Variants in ATP8A2 observed in about 807,000 individuals in gnomAD.
The protein encoded by ATP8A2 is phospholipid-transporting ATPase IB.
ATP8A2 carries 100 observed loss-of-function variants against 165.6 expected under a neutral mutation model. That is an observed-to-expected ratio of 0.60 (90% CI 0.51 to 0.71). The LOEUF is 0.71. Ranked by LOEUF, ATP8A2 falls within the 30% of genes least tolerant of loss-of-function variation. The probability of loss-of-function intolerance (pLI) is 0.00; values close to 1 mark genes in which losing one functional copy is unlikely to be tolerated. For synonymous variants in ATP8A2, 543 were observed against 548.8 expected (o/e 0.99, Z 0.15); for missense variants, 1,227 against 1,479.5 (o/e 0.83, Z 2.80).
chr13:25,791,476 C>G (rs989516671), intron 27 of ATP8A2, among the ~76,000 whole-genome samples: 1 of 151,324 alleles, frequency 6.6e-6, no homozygotes, highest in African/African-American at 2.4e-5. Flanking sequence ...AACAAACCAC[C>G]ATGACACAAG....
At chr13:25,720,167 C>CTTTTTTTTTTTT (rs1007404557) in intron 25 of ATP8A2, among the ~76,000 whole-genome samples, 5,051 of 116,770 alleles carry the variant, frequency 0.043, 448 homozygotes, top group Non-Finnish European at 0.055. Flanking sequence ...TATACTTTTT[C>CTTTTTTTTTTTT]TTTTTTTTTT....
intron 35 of ATP8A2, among the ~76,000 whole-genome samples, chr13:26,011,464 C>T (rs989641283): frequency 2.6e-5 from 4 of 152,118 alleles, no homozygotes; most frequent in African/African-American, 7.2e-5. Flanking sequence ...TTCTGAGGTA[C>T]TAGGGGTAAA....
chr13:25,584,850 G>A (rs2039877139), intron 23 of ATP8A2, among the ~76,000 whole-genome samples: 1 of 152,170 alleles, frequency 6.6e-6, no homozygotes, highest in Admixed American at 6.5e-5. Flanking sequence ...ATGTCGTATA[G>A]TTGTTGACTC....
At chr13:25,977,041 A>ACCCCCC (rs1956061961) in intron 35 of ATP8A2, among the ~76,000 whole-genome samples, 1 of 31,666 alleles carries the variant, frequency 3.2e-5, no homozygotes, top group Non-Finnish European at 6.3e-5. Context: ...CCCCACCCCC[A>ACCCCCC]CCCCCCTTCC....
At chr13:25,777,243 A>G (rs1000057131) in intron 27 of ATP8A2, among the ~76,000 whole-genome samples, 2 of 152,212 alleles carry the variant, frequency 1.3e-5, no homozygotes, top group Admixed American at 1.3e-4. Context: ...GAAAACCAAG[A>G]AAGCAAAATC....
At chr13:25,465,720 TTTC>T (rs1379685663) in intron 1 of ATP8A2, among the ~76,000 whole-genome samples, 120 of 31,930 alleles carry the variant, frequency 3.8e-3, no homozygotes, top group Middle Eastern at 0.015. Flanking sequence ...TCTTTCTTTC[TTTC>T]TTTCTTTCTT....
chr13:25,522,131 C>T (rs1566216505), intron 2 of ATP8A2, among the ~76,000 whole-genome samples: 1 of 152,178 alleles, frequency 6.6e-6, no homozygotes, highest in Non-Finnish European at 1.5e-5. Flanking sequence ...TTGGTGTCCT[C>T]TTCAATTTAT....
At chr13:25,554,851 C>T (rs1382813204) in intron 12 of ATP8A2, 140 bp from the exon 13 acceptor site, 12 of 528,740 alleles carry the variant, frequency 2.3e-5, no homozygotes, top group Middle Eastern at 5.4e-4. Flanking sequence ...TGAGCCACTG[C>T]GCCCAGCCAA....
intron 16 of ATP8A2, among the ~76,000 whole-genome samples, chr13:25,567,984 A>G (rs1252188628): frequency 6.6e-6 from 1 of 152,254 alleles, no homozygotes; most frequent in Non-Finnish European, 1.5e-5. Context: ...CCACATTCTC[A>G]TCTAAATTGT....
At position 25,540,340 on chromosome 13, in the gene ATP8A2, T is replaced by C; in HGVS notation, c.603T>C (p.Tyr201=). ...LSSSEPQAMC[Y]VETANLDGET... ...TTAGTGAACCTCAGGCAATGTGTTATGTTGAAACAGCTAATCTGGATGGGG... is the reference window on the plus strand; with the variant it reads ...TTAGTGAACCTCAGGCAATGTGTTACGTTGAAACAGCTAATCTGGATGGGG... Residue 201 remains tyrosine (Y), a synonymous_variant, in exon 8 of 37, where the codon TAT becomes TAC. Coordinates refer to ENST00000381655, the MANE Select transcript of ATP8A2 (RefSeq NM_016529.6). 1.9e-6 allele frequency: 3 copies of C among 1,614,048 alleles called. No individual in the cohort carries two copies. Among genetic ancestry groups the C allele is most frequent in the South Asian group, 1.1e-5 (1 of 91,082 alleles).
intron 33 of ATP8A2, among the ~76,000 whole-genome samples, chr13:25,891,664 T>G (rs990546677): frequency 5.3e-5 from 8 of 152,082 alleles, no homozygotes. Context: ...CCCTATTAAC[T>G]GATAATTTAT....
chr13:25,907,483 G>C (rs1953976483), intron 33 of ATP8A2, among the ~76,000 whole-genome samples: 2 of 152,190 alleles, frequency 1.3e-5, no homozygotes, highest in African/African-American at 4.8e-5. Context: ...AGATGACAGT[G>C]GTCTTAGACC....
At chr13:25,872,730 G>A (rs1952712366) in intron 33 of ATP8A2, among the ~76,000 whole-genome samples, 1 of 152,126 alleles carries the variant, frequency 6.6e-6, no homozygotes, top group Non-Finnish European at 1.5e-5. Context: ...CTGTCCAATA[G>A]AAATATAATG....
At chr13:25,895,087 G>A (rs1953492401) in intron 33 of ATP8A2, among the ~76,000 whole-genome samples, 1 of 152,216 alleles carries the variant, frequency 6.6e-6, no homozygotes, top group Non-Finnish European at 1.5e-5. Flanking sequence ...TAGGAGTGGT[G>A]AGAGAGGGCA....
In ATP8A2 at chr13:25,541,159, C is replaced by G. The variant is rs186073149; in HGVS notation, c.652-760C>G. Among the ~76,000 whole-genome samples, 1,057 of 152,094 alleles carry G rather than the reference C, an allele frequency of 6.9e-3. 12 individuals are homozygous for G. Among genetic ancestry groups the G allele is most frequent in the African/African-American group, 0.024 (1,001 of 41,484 alleles). On this transcript the variant is annotated intron_variant, in intron 8 of 36. Coordinates refer to ENST00000381655, the MANE Select transcript of ATP8A2 (RefSeq NM_016529.6). ...GGATTACAGGCATGAGATACTGCAC[C>G]TGGCCAAGAATGAAGAATGGTCTTT...
At chr13:25,581,070 A>G (rs1484991834) in intron 22 of ATP8A2, among the ~76,000 whole-genome samples, 1 of 152,226 alleles carries the variant, frequency 6.6e-6, no homozygotes, top group Non-Finnish European at 1.5e-5. Flanking sequence ...TTTTAGAATT[A>G]GAAAAAGGTG....
intron 24 of ATP8A2, among the ~76,000 whole-genome samples, chr13:25,590,923 G>A (rs141828895): frequency 3.3e-5 from 5 of 152,148 alleles, no homozygotes; most frequent in Non-Finnish European, 7.4e-5. Flanking sequence ...ACCCTCTGGC[G>A]TGAGTGCTTC....
At chr13:25,887,401 C>T (rs1337472568) in intron 33 of ATP8A2, among the ~76,000 whole-genome samples, 1 of 151,768 alleles carries the variant, frequency 6.6e-6, no homozygotes, top group Non-Finnish European at 1.5e-5. Context: ...TGCAGTGGCG[C>T]GATCTTGGCT....
Position 25,786,364 on chromosome 13 carries a change from G to A in ATP8A2, c.2679+11405G>A, listed in dbSNP as rs554129334. Reference sequence around the variant, plus strand: ...GATCAAGAATAGGAGTTATATACACGCCTTCTTGCCTGGTTTTTCAAACAG... The same window carrying A: ...GATCAAGAATAGGAGTTATATACACACCTTCTTGCCTGGTTTTTCAAACAG... On this transcript the variant is annotated intron_variant, in intron 27 of 36. Coordinates refer to ENST00000381655, the MANE Select transcript of ATP8A2 (RefSeq NM_016529.6). Among the ~76,000 whole-genome samples, 200 of 152,200 alleles carry A rather than the reference G, an allele frequency of 1.3e-3. 1 individual carries two copies. The highest frequency in any genetic ancestry group is 2.2e-3 in the Non-Finnish European group (147 of 68,022).
Sources: allele counts gnomAD v4.1 joint callset (sites outside exome capture counted in the v4.1 genomes callset), GRCh38; gene constraint gnomAD v4.1.1; transcripts MANE v1.5; gene names NCBI Gene and HGNC (gene_info 2026-07-23, HGNC 2026-07-21).